The following RNF157 variants were observed in gnomAD, a reference collection of about 807,000 sequenced individuals.
RNF157 encodes the protein ring finger protein 157.
A neutral mutation model predicts 88.3 loss-of-function variants in RNF157; 55 were observed. The observed-to-expected ratio is 0.62, with a 90% CI of 0.50 to 0.78. The LOEUF is 0.78. Ranked by LOEUF, RNF157 falls within the 30% of genes least tolerant of loss-of-function variation. The pLI is 0.00. For missense variants in RNF157, 788 were observed against 860.8 expected (o/e 0.92, Z 1.06); for synonymous variants, 334 against 341.2 (o/e 0.98, Z 0.23).
At position 76,176,946 on chromosome 17, in the gene RNF157, C is replaced by T. The variant is rs765819133; in HGVS notation, c.208-3156G>A. Among the ~76,000 whole-genome samples, 8 of 152,142 alleles carry T rather than the reference C, an allele frequency of 5.3e-5. No homozygotes were observed. The South Asian group carries it at 1.0e-3, about 20-fold the overall frequency. On this transcript the variant is annotated intron_variant, in intron 2 of 18. Transcript: ENST00000269391. The surrounding 1 kb of genome is among the most constrained non-coding windows in gnomAD (Gnocchi z 4.2). ...TCCTGTGCCTCGGGAGGAGGTTCTG[C>T]GCAGCCCGTCTGGGGCTGCGCCCCC...
chr17:76,186,940 AAAATAAATAAATAAAT>A (rs201615839), intron 2 of RNF157, among the ~76,000 whole-genome samples: 25 of 140,898 alleles, frequency 1.8e-4, no homozygotes, highest in Middle Eastern at 3.6e-3. Flanking sequence ...ACTCCGACTC[AAAATAAATAAATAAAT>A]AAATAAATAA....
chr17:76,147,302 A>G (rs1053163955), intron 18 of RNF157: 1 of 985,736 alleles, frequency 1.0e-6, no homozygotes, highest in Non-Finnish European at 1.2e-6. Flanking sequence ...AGGACTCCGG[A>G]GCTGCGGCTG....
At chr17:76,153,434 C>T (rs1390474308) in intron 17 of RNF157, 1 of 152,288 alleles carries the variant, frequency 6.6e-6, no homozygotes, top group Non-Finnish European at 1.5e-5. Context: ...AGCGCTAAAG[C>T]AGAAGCAATA....
chr17:76,190,722 A>AGC (rs1190145791), intron 2 of RNF157, among the ~76,000 whole-genome samples: 1 of 151,648 alleles, frequency 6.6e-6, no homozygotes, highest in East Asian at 1.9e-4. Flanking sequence ...GATCGAGACC[A>AGC]CGATGAAACC....
intron 2 of RNF157, among the ~76,000 whole-genome samples, chr17:76,187,756 GC>G (rs2069318199): frequency 6.6e-6 from 1 of 152,040 alleles, no homozygotes; most frequent in Admixed American, 6.6e-5. Context: ...ACCACATCCA[GC>G]TAATTTGTTT....
intron 14 of RNF157, 127 bp downstream of exon 14, chr17:76,156,083 G>T (rs994162064): frequency 2.8e-6 from 2 of 718,638 alleles, no homozygotes; most frequent in African/African-American, 3.5e-5. Context: ...TCTCAAGCCA[G>T]GGCCTACTTG....
At chr17:76,230,548 G>A (rs577303210) in intron 1 of RNF157, among the ~76,000 whole-genome samples, 1 of 152,188 alleles carries the variant, frequency 6.6e-6, no homozygotes, top group East Asian at 1.9e-4. Flanking sequence ...TTTCTTAAAA[G>A]GAGATACTGA....
At chr17:76,192,408 T>C (rs1405614951) in intron 2 of RNF157, among the ~76,000 whole-genome samples, 1 of 152,194 alleles carries the variant, frequency 6.6e-6, no homozygotes, top group Non-Finnish European at 1.5e-5. Context: ...ATCTTCTCCA[T>C]GAAATTATAA....
intron 2 of RNF157, among the ~76,000 whole-genome samples, chr17:76,206,732 T>A (rs1025556416): frequency 1.3e-5 from 2 of 152,128 alleles, no homozygotes; most frequent in Non-Finnish European, 2.9e-5. Flanking sequence ...CTCACTGCAA[T>A]CGGCTCACTC....
intron 7 of RNF157, among the ~76,000 whole-genome samples, chr17:76,165,009 A>G (rs1045106882): frequency 1.4e-4 from 21 of 152,232 alleles, no homozygotes; most frequent in Non-Finnish European, 1.8e-4. Flanking sequence ...CCTTATAGTT[A>G]TAATTGTTTT....
intron 18 of RNF157, chr17:76,147,132 T>C: frequency 1.0e-6 from 1 of 985,308 alleles, no homozygotes; most frequent in Non-Finnish European, 1.2e-6. Flanking sequence ...AGGTGTTTTT[T>C]TTCACCTCTA....
chr17:76,148,993 G>A (rs1445041515), intron 18 of RNF157, among the ~76,000 whole-genome samples: 1 of 152,124 alleles, frequency 6.6e-6, no homozygotes, highest in Non-Finnish European at 1.5e-5. Flanking sequence ...TCTGCTTAGC[G>A]TGGTCTCGCA....
rs117348350 is a variant in RNF157, at chr17:76,142,754, C to T, written c.*2481G>A. 3.7e-3 allele frequency: 566 copies of T among 152,460 alleles called. 2 individuals are homozygous for T. The highest frequency in any genetic ancestry group is 6.6e-3 in the Non-Finnish European group (451 of 68,140). 9.4% of individuals were successfully genotyped at this position (152,460 alleles called of 1,614,324 possible). ...CGGCTTAGAGTGTGGTGGTCTGTGC[C>T]CAGGAGATGCCTCAGCGGGGGTAGA... On this transcript the variant is annotated 3_prime_UTR_variant, in exon 19 of 19. Transcript: ENST00000269391.
intron 1 of RNF157, among the ~76,000 whole-genome samples, chr17:76,222,507 A>G (rs2145052321): frequency 6.6e-6 from 1 of 152,326 alleles, no homozygotes. Context: ...TGGCACAGTC[A>G]GGTTATAATG....
chr17:76,172,136 G>T (rs2069023811), intron 3 of RNF157, among the ~76,000 whole-genome samples: 1 of 152,126 alleles, frequency 6.6e-6, no homozygotes, highest in South Asian at 2.1e-4. Flanking sequence ...CATAGCTGGG[G>T]AACCAGCAGA....
intron 1 of RNF157, chr17:76,226,298 T>C (rs1193666894): frequency 8.7e-6 from 14 of 1,608,450 alleles, no homozygotes; most frequent in Non-Finnish European, 1.2e-5. Flanking sequence ...AGTGGAGGAC[T>C]GGACCCCTGG....
chr17:76,240,113 C>T lies in RNF157; in HGVS notation c.88+40G>A. On this transcript the variant is annotated intron_variant, in intron 1 of 18. Coordinates refer to ENST00000269391, the MANE Select transcript of RNF157 (RefSeq NM_052916.3). This position sits in a 1 kb window ranked among gnomAD's most constrained non-coding sequence, Gnocchi z 4.4. Reference sequence around the variant, plus strand: ...CCCGACCCAGACCCCTGCCCCTGCCCCTCTCCCTCCTCGCGGCTGCGGCGC... The same window carrying T: ...CCCGACCCAGACCCCTGCCCCTGCCTCTCTCCCTCCTCGCGGCTGCGGCGC... The T allele has an allele frequency of 8.2e-7, 1 of 1,214,708 alleles. No homozygotes were observed. The allele number at this position is 1,214,708 out of a possible 1,614,324, so 75.2% of individuals were successfully genotyped here. A position where few individuals can be genotyped will look rare whatever the true frequency, so the allele number is the denominator to read the frequency against.
chr17:76,172,556 G>A (rs7221261), intron 3 of RNF157, among the ~76,000 whole-genome samples: 8,998 of 138,382 alleles, frequency 0.065, 385 homozygotes, highest in African/African-American at 0.12. Flanking sequence ...GCAGTGAGCC[G>A]AGATCGTGCC....
intron 18 of RNF157, among the ~76,000 whole-genome samples, 173 bp downstream of exon 18, chr17:76,152,182 G>A (rs971206987): frequency 1.1e-4 from 16 of 152,158 alleles, no homozygotes; most frequent in African/African-American, 3.9e-4. Context: ...AAAAGCTCAA[G>A]GACTCTCCCA....
Sources: gnomAD v4.1 joint callset for allele counts (sites outside exome capture counted in the v4.1 genomes callset) on GRCh38, gnomAD v4.1.1 for gene constraint, Gnocchi (gnomAD v3.1) non-coding constraint, MANE v1.5 for transcripts, NCBI Gene and HGNC (gene_info 2026-07-23, HGNC 2026-07-21) for gene names.